Variants in ESRRG observed in about 807,000 individuals in gnomAD.
ESRRG encodes the protein estrogen related receptor gamma.
A neutral mutation model predicts 44.0 loss-of-function variants in ESRRG; 13 were observed. The ratio of observed to expected loss-of-function variants is 0.30; its 90% CI spans 0.19 to 0.47. The LOEUF (loss-of-function observed/expected upper bound fraction) is 0.47. Ranked by LOEUF, ESRRG falls within the 20% of genes least tolerant of loss-of-function variation. The pLI is 1.00. For missense variants in ESRRG, 395 were observed against 580.6 expected, an observed-to-expected ratio of 0.68 and a Z score of 3.29; for synonymous variants, 215 against 214.6, an observed-to-expected ratio of 1.00 and a Z score of -0.02.
intron 5 of ESRRG, among the ~76,000 whole-genome samples, chr1:216,521,948 G>C (rs552823324): frequency 2.0e-5 from 3 of 152,094 alleles, no homozygotes; most frequent in Non-Finnish European, 2.9e-5. Flanking sequence ...GAGAAGGCAC[G>C]CTAGCGACAT....
intron 3 of ESRRG, among the ~76,000 whole-genome samples, chr1:216,584,259 A>C (rs1449201903): frequency 1.4e-5 from 2 of 145,326 alleles, no homozygotes; most frequent in Non-Finnish European, 3.1e-5. Flanking sequence ...AAAAACTTAC[A>C]ATTTTTTTTT....
intron 2 of ESRRG, among the ~76,000 whole-genome samples, chr1:216,891,118 C>T (rs1327771072): frequency 3.9e-5 from 6 of 152,124 alleles, no homozygotes; most frequent in African/African-American, 1.2e-4. Flanking sequence ...ATTTTTTATG[C>T]CTATATGTAT....
At chr1:216,921,630 A>G (rs2061862659) in intron 2 of ESRRG, among the ~76,000 whole-genome samples, 1 of 152,148 alleles carries the variant, frequency 6.6e-6, no homozygotes, top group Non-Finnish European at 1.5e-5. Context: ...TCACCTGCTC[A>G]GTGGGGCTTT....
At chr1:216,783,377 A>G (rs919691113) in intron 2 of ESRRG, among the ~76,000 whole-genome samples, 2 of 152,076 alleles carry the variant, frequency 1.3e-5, no homozygotes, top group African/African-American at 2.4e-5. Flanking sequence ...TAGCATTAAT[A>G]TACATAGCAA....
intron 5 of ESRRG, among the ~76,000 whole-genome samples, chr1:216,538,418 C>T (rs1345184183): frequency 6.6e-6 from 1 of 151,860 alleles, no homozygotes; most frequent in Non-Finnish European, 1.5e-5. Context: ...GAGCATGGCC[C>T]CTAGAGCTCT....
intron 1 of ESRRG, among the ~76,000 whole-genome samples, chr1:216,967,125 G>C (rs191102348): frequency 6.6e-6 from 1 of 151,900 alleles, no homozygotes; most frequent in Non-Finnish European, 1.5e-5. Flanking sequence ...AAGGTACAGG[G>C]ACTTCTTAAG....
At chr1:216,978,241 G>A (rs1183620536) in intron 1 of ESRRG, among the ~76,000 whole-genome samples, 2 of 152,106 alleles carry the variant, frequency 1.3e-5, no homozygotes, top group African/African-American at 4.8e-5. Context: ...TTAAAAAAAA[G>A]TTTTATTGGG....
intron 3 of ESRRG, among the ~76,000 whole-genome samples, chr1:216,574,196 G>T (rs1024899369): frequency 2.0e-5 from 3 of 152,066 alleles, no homozygotes; most frequent in African/African-American, 4.8e-5. Flanking sequence ...CTAAATAAAA[G>T]ATTTTAATAG....
chr1:217,066,761 T>C (rs1428850996), intron 1 of ESRRG, among the ~76,000 whole-genome samples: 2 of 152,188 alleles, frequency 1.3e-5, no homozygotes, highest in African/African-American at 2.4e-5. Flanking sequence ...CTCTATTCAC[T>C]AGATGCCAGT....
At chr1:216,964,344 G>T (rs1415259920) in intron 1 of ESRRG, among the ~76,000 whole-genome samples, 1 of 152,052 alleles carries the variant, frequency 6.6e-6, no homozygotes, top group Non-Finnish European at 1.5e-5. Flanking sequence ...AAGATCACTG[G>T]CTGCCTCCTT....
intron 2 of ESRRG, among the ~76,000 whole-genome samples, chr1:216,828,078 T>C (rs1030585534): frequency 6.6e-6 from 1 of 152,202 alleles, no homozygotes; most frequent in African/African-American, 2.4e-5. Flanking sequence ...AACTCTTTCC[T>C]GGTTGAAACT....
intron 3 of ESRRG, among the ~76,000 whole-genome samples, chr1:216,625,606 T>C (rs914505221): frequency 1.3e-5 from 2 of 152,132 alleles, no homozygotes; most frequent in Non-Finnish European, 1.5e-5. Context: ...AGATTCAAAC[T>C]CTGGAGTAGA....
chr1:216,547,134 G>A (rs1459686710), intron 5 of ESRRG, among the ~76,000 whole-genome samples: 1 of 151,942 alleles, frequency 6.6e-6, no homozygotes, highest in East Asian at 1.9e-4. Flanking sequence ...ACAGTTATAG[G>A]AGAGGCCATC....
chr1:216,592,128 C>G (rs528688071), intron 3 of ESRRG, among the ~76,000 whole-genome samples: 1 of 152,146 alleles, frequency 6.6e-6, no homozygotes, highest in African/African-American at 2.4e-5. Context: ...CATAATAGCC[C>G]AAATTGAGGA....
chr1:216,609,599 A>C (rs190992428), intron 3 of ESRRG, among the ~76,000 whole-genome samples: 1 of 152,378 alleles, frequency 6.6e-6, no homozygotes, highest in Admixed American at 6.5e-5. Context: ...AATGAAAAGT[A>C]GGATCCCTAA....
intron 2 of ESRRG, among the ~76,000 whole-genome samples, chr1:216,763,471 G>A (rs965133712): frequency 2.6e-5 from 4 of 152,106 alleles, no homozygotes; most frequent in Non-Finnish European, 4.4e-5. Context: ...GAGGATAAGT[G>A]GGAGAGGGAG....
chr1:217,010,330 A>G (rs2078387500), intron 1 of ESRRG, among the ~76,000 whole-genome samples: 1 of 152,186 alleles, frequency 6.6e-6, no homozygotes, highest in African/African-American at 2.4e-5. Flanking sequence ...TTAAAAACAT[A>G]TTTTAGCAAA....
chr1:216,645,752 G>T lies in ESRRG; in HGVS notation c.589+5221C>A, dbSNP rs2067415152. ...AGTAGCATGGTGGCATGGGCCTGTA[G>T]TCCCAGCTACTCAGGAAGCTGAGAC... On this transcript the variant is annotated intron_variant, in intron 3 of 6. Transcript: ENST00000408911. Among the ~76,000 whole-genome samples the T allele has an allele frequency of 5.9e-5, 9 of 151,268 alleles. No individual in the cohort carries two copies. In the Admixed American group the frequency reaches 6.0e-4, roughly 10 times the overall value.
chr1:216,596,374 G>A (rs890742279), intron 3 of ESRRG, among the ~76,000 whole-genome samples: 4 of 152,210 alleles, frequency 2.6e-5, no homozygotes, highest in African/African-American at 4.8e-5. Flanking sequence ...CAGAGATGGA[G>A]GGGGCAGTGC....
Sources: allele counts gnomAD v4.1 joint callset (sites outside exome capture counted in the v4.1 genomes callset), GRCh38; gene constraint gnomAD v4.1.1; transcripts MANE v1.5; gene names NCBI Gene and HGNC (gene_info 2026-07-23, HGNC 2026-07-21).